RNF150: variants seen among roughly 807,000 people sequenced by gnomAD.
The protein encoded by RNF150 is ring finger protein 150.
In RNF150, 24 loss-of-function variants were observed where a neutral mutation model predicts 39.3. That is an observed-to-expected ratio of 0.61 (90% CI 0.44 to 0.86). The LOEUF (loss-of-function observed/expected upper bound fraction) is 0.86, where lower values mean the gene tolerates loss of function less well. RNF150 is among the 40% of genes least tolerant of loss of function. The pLI, the probability that RNF150 is intolerant of heterozygous loss-of-function variation, is 0.00. For synonymous variants in RNF150, 255 were observed against 227.3 expected, an observed-to-expected ratio of 1.12 and a Z score of -1.10; for missense variants, 502 against 587.8, an observed-to-expected ratio of 0.85 and a Z score of 1.51.
chr4:140,990,724 T>A (rs925623392), intron 1 of RNF150, among the ~76,000 whole-genome samples: 2 of 152,254 alleles, frequency 1.3e-5, no homozygotes, highest in African/African-American at 4.8e-5. Flanking sequence ...ACTTTCTTTA[T>A]CCAGTCTATC....
chr4:141,048,238 G>A (rs1736653922), intron 1 of RNF150, among the ~76,000 whole-genome samples: 1 of 152,230 alleles, frequency 6.6e-6, no homozygotes, highest in Non-Finnish European at 1.5e-5. Flanking sequence ...CATAAGTGGG[G>A]AAGAAGTACA....
At chr4:140,977,131 C>A (rs1733694526) in intron 1 of RNF150, among the ~76,000 whole-genome samples, 1 of 152,140 alleles carries the variant, frequency 6.6e-6, no homozygotes, top group Admixed American at 6.5e-5. Context: ...ACAGGGCTTT[C>A]CATACAGAAC....
chr4:140,990,510 C>T (rs1377889339), intron 1 of RNF150, among the ~76,000 whole-genome samples: 1 of 151,424 alleles, frequency 6.6e-6, no homozygotes, highest in Non-Finnish European at 1.5e-5. Context: ...CACCTACTGA[C>T]AGGCCTAGTG....
intron 1 of RNF150, among the ~76,000 whole-genome samples, chr4:141,028,326 G>A (rs1735799562): frequency 6.6e-6 from 1 of 152,110 alleles, no homozygotes; most frequent in Non-Finnish European, 1.5e-5. Flanking sequence ...CAGTCACTTA[G>A]CCAGCTTTTT....
At chr4:141,037,891 C>T (rs1373167472) in intron 1 of RNF150, among the ~76,000 whole-genome samples, 1 of 152,178 alleles carries the variant, frequency 6.6e-6, no homozygotes, top group Non-Finnish European at 1.5e-5. Context: ...CATTCCCACC[C>T]AGATACATCT....
chr4:141,048,689 G>A (rs1443333621), intron 1 of RNF150, among the ~76,000 whole-genome samples: 1 of 152,010 alleles, frequency 6.6e-6, no homozygotes, highest in Non-Finnish European at 1.5e-5. Context: ...GCTATGGTCT[G>A]ACCACTGTAC....
At chr4:141,161,541 G>A (rs1560764134) in intron 1 of RNF150, among the ~76,000 whole-genome samples, 1 of 152,176 alleles carries the variant, frequency 6.6e-6, no homozygotes, top group Non-Finnish European at 1.5e-5. Flanking sequence ...TAACTAAAAG[G>A]ACAGCAAGTG....
At chr4:141,073,825 G>T (rs901459709) in intron 1 of RNF150, among the ~76,000 whole-genome samples, 8 of 152,076 alleles carry the variant, frequency 5.3e-5, no homozygotes, top group Admixed American at 5.2e-4. Flanking sequence ...TACCTAAAAC[G>T]CAAGGGATAA....
At chr4:140,997,785 A>G (rs532152719) in intron 1 of RNF150, among the ~76,000 whole-genome samples, 1 of 150,340 alleles carries the variant, frequency 6.7e-6, no homozygotes. Flanking sequence ...TATTAAGTGA[A>G]AAAAGCAAAG....
chr4:140,945,410 G>A (rs901529364), intron 4 of RNF150, among the ~76,000 whole-genome samples: 2 of 151,696 alleles, frequency 1.3e-5, no homozygotes, highest in African/African-American at 4.8e-5. Context: ...ATTGAACTCA[G>A]CCAAAAATGT....
chr4:141,042,696 G>C (rs1736415974), intron 1 of RNF150, among the ~76,000 whole-genome samples: 1 of 152,000 alleles, frequency 6.6e-6, no homozygotes, highest in Admixed American at 6.6e-5. Flanking sequence ...TCTATTGAAG[G>C]GGTAGTGCTT....
intron 5 of RNF150, among the ~76,000 whole-genome samples, chr4:140,913,683 A>G (rs1730705008): frequency 6.6e-6 from 1 of 152,122 alleles, no homozygotes; most frequent in African/African-American, 2.4e-5. Flanking sequence ...ATCTCACTCT[A>G]CTAGTCCCCA....
intron 1 of RNF150, among the ~76,000 whole-genome samples, chr4:141,188,488 C>G (rs1036066942): frequency 6.6e-6 from 1 of 152,132 alleles, no homozygotes; most frequent in Non-Finnish European, 1.5e-5. Context: ...GTACACCAAC[C>G]AATCGTAGGC....
chr4:141,016,391 A>G (rs1365927834), intron 1 of RNF150, among the ~76,000 whole-genome samples: 2 of 152,112 alleles, frequency 1.3e-5, no homozygotes, highest in African/African-American at 4.8e-5. Flanking sequence ...ACACCAGTAC[A>G]TTTTCTGGCA....
intron 6 of RNF150, among the ~76,000 whole-genome samples, chr4:140,904,828 C>T (rs1350272796): frequency 6.6e-6 from 1 of 152,164 alleles, no homozygotes; most frequent in Admixed American, 6.5e-5. Context: ...CAGGCATTTA[C>T]AAGTTTTAAA....
intron 4 of RNF150, chr4:140,944,838 G>A (rs1732221844): frequency 1.3e-5 from 2 of 152,106 alleles, no homozygotes. Flanking sequence ...GAGAGTCTAT[G>A]AAGTTCATAG....
intron 1 of RNF150, among the ~76,000 whole-genome samples, chr4:141,119,329 A>T (rs1726537605): frequency 6.6e-6 from 1 of 152,180 alleles, no homozygotes; most frequent in African/African-American, 2.4e-5. Flanking sequence ...CAGTCCATAT[A>T]CAAAGAGACA....
At position 140,939,567 on chromosome 4, in the gene RNF150, G is replaced by A. The variant is rs112020887; in HGVS notation, c.890+8087C>T. Among the ~76,000 whole-genome samples, 1,260 of 151,040 alleles carry A rather than the reference G, an allele frequency of 8.3e-3. 13 individuals are homozygous for A. The highest frequency in any genetic ancestry group is 0.017 in the Middle Eastern group (5 of 292). On this transcript the variant is annotated intron_variant, in intron 4 of 6. Transcript: ENST00000515673. ...TGGGGCTGGATAACTCTGAAGAAAG[G>A]CTTAAGAAGATAAGCCAAGGCTGAT...
rs912185234 is a variant in RNF150 at position 141,132,760 on chromosome 4, A to C, written c.49T>G (p.Trp17Gly). 48 of 1,610,108 alleles carry C rather than the reference A, an allele frequency of 3.0e-5. No homozygotes were observed. The highest frequency in any genetic ancestry group is 4.0e-5 in the Non-Finnish European group (47 of 1,178,470). ...TGCACGAAACAAAAGGAAAGCAGCCATGTTGAGAGAGCCAGACTGCAGCAC... is the reference window on the plus strand; with the variant it reads ...TGCACGAAACAAAAGGAAAGCAGCCCTGTTGAGAGAGCCAGACTGCAGCAC... The part of the protein sequence containing the change: ...QACCSLALST[W>G]LLSFCFVHLL... The change falls in exon 1 of 7, where the codon TGG (tryptophan) becomes GGG (glycine). Residue 17 changes from tryptophan (W) to glycine (G), a missense_variant. Transcript: ENST00000515673. The surrounding 1 kb of genome is among the most constrained non-coding windows in gnomAD (Gnocchi z 4.9).
Sources: gnomAD v4.1 joint callset for allele counts (sites outside exome capture counted in the v4.1 genomes callset) on GRCh38, gnomAD v4.1.1 for gene constraint, Gnocchi (gnomAD v3.1) non-coding constraint, MANE v1.5 for transcripts, NCBI Gene and HGNC (gene_info 2026-07-23, HGNC 2026-07-21) for gene names.